VPS54: variants seen among roughly 807,000 people sequenced by gnomAD.
VPS54 encodes vacuolar protein sorting-associated protein 54.
Under a neutral mutation model 121.5 loss-of-function variants are expected in VPS54, and 45 were observed. That is an observed-to-expected ratio of 0.37 (90% CI 0.29 to 0.47). The LOEUF is 0.47. Ranked by LOEUF, VPS54 falls within the 20% of genes least tolerant of loss-of-function variation. VPS54 has a pLI of 0.99. For synonymous variants in VPS54, 371 were observed against 385.8 expected, an observed-to-expected ratio of 0.96 and a Z score of 0.45; for missense variants, 1,090 against 1,131.4, an observed-to-expected ratio of 0.96 and a Z score of 0.52.
intron 20 of VPS54, among the ~76,000 whole-genome samples, chr2:63,906,817 T>G (rs1672923578): frequency 6.6e-6 from 1 of 152,192 alleles, no homozygotes; most frequent in Non-Finnish European, 1.5e-5. Flanking sequence ...TCAATCAAAA[T>G]CTGAGCAGCC....
chr2:63,947,744 G>T (rs1272030626), intron 8 of VPS54, among the ~76,000 whole-genome samples: 1 of 152,036 alleles, frequency 6.6e-6, no homozygotes, highest in South Asian at 2.1e-4. Flanking sequence ...CAATACAAGG[G>T]TATTTTTTGT....
chr2:64,013,670 A>C (rs902430359), intron 1 of VPS54, among the ~76,000 whole-genome samples: 4 of 145,688 alleles, frequency 2.7e-5, no homozygotes, highest in East Asian at 2.0e-4. Context: ...TGATATATAT[A>C]TCTATATATT....
chr2:63,893,414 G>C lies in VPS54; in HGVS notation c.*16C>G, dbSNP rs776698157. Reference sequence around the variant, plus strand: ...ATCCCATGGTCAGATGAACTACCCAGTTTTCCAGGATGACATCACCTCTTC... The same window carrying C: ...ATCCCATGGTCAGATGAACTACCCACTTTTCCAGGATGACATCACCTCTTC... On this transcript the variant is annotated 3_prime_UTR_variant, in exon 23 of 23. Coordinates refer to ENST00000272322, the MANE Select transcript of VPS54 (RefSeq NM_016516.3). 1.2e-6 allele frequency: 2 copies of C among 1,605,682 alleles called. No individual in the cohort carries two copies. The highest frequency in any genetic ancestry group is 1.7e-6 in the Non-Finnish European group (2 of 1,172,428).
At chr2:63,975,044 A>G in intron 3 of VPS54, 2 of 1,548,106 alleles carry the variant, frequency 1.3e-6, no homozygotes, top group East Asian at 4.9e-5. Context: ...GAGTTTTTGT[A>G]GATTTTTTTT....
Position 63,893,423 on chromosome 2 carries a change from G to GA in VPS54, c.*6dup, listed in dbSNP as rs753931254. ...TCAGATGAACTACCCAGTTTTCCAG[G>GA]ATGACATCACCTCTTCTGCTCCCAA... On this transcript the variant is annotated 3_prime_UTR_variant, in exon 23 of 23. Coordinates refer to ENST00000272322, the MANE Select transcript of VPS54 (RefSeq NM_016516.3). 1 of 1,610,954 alleles carries GA rather than the reference G, an allele frequency of 6.2e-7. No individual in the cohort carries two copies. Among genetic ancestry groups the GA allele is most frequent in the Non-Finnish European group, 8.5e-7 (1 of 1,177,228 alleles).
chr2:63,934,915 A>G (rs1674382276), intron 11 of VPS54, among the ~76,000 whole-genome samples: 1 of 152,140 alleles, frequency 6.6e-6, no homozygotes, highest in Admixed American at 6.6e-5. Context: ...CTATTTTAAC[A>G]TTCACAGTTG....
chr2:64,001,106 A>T (rs1031248056), intron 1 of VPS54, among the ~76,000 whole-genome samples: 3 of 151,980 alleles, frequency 2.0e-5, no homozygotes, highest in Non-Finnish European at 4.4e-5. Context: ...GGTCATTCCC[A>T]CTTCTCTCTC....
chr2:63,913,065 T>C (rs1673223090), intron 18 of VPS54, among the ~76,000 whole-genome samples, 158 bp downstream of exon 18: 1 of 152,154 alleles, frequency 6.6e-6, no homozygotes, highest in Non-Finnish European at 1.5e-5. Context: ...TTAGTTTTTT[T>C]CAGTGATGAG....
Position 63,962,393 on chromosome 2 carries a change from A to G in VPS54, c.675T>C (p.Ser225=), listed in dbSNP as rs1244442791. ...CATGAAAAAATGCTTCTGAACGTAG[A>G]GAGATCTGGTGAGCAATGTTTACTT... The part of the protein sequence containing the change: ...IVEVNIAHQI[S]LRSEAFFHAM... Residue 225 remains serine, a synonymous_variant, in exon 7 of 23, where the codon TCT becomes TCC. Coordinates refer to ENST00000272322, the MANE Select transcript of VPS54 (RefSeq NM_016516.3). The G allele has an allele frequency of 1.2e-6, 2 of 1,613,902 alleles. No individual in the cohort carries two copies. The highest frequency in any genetic ancestry group is 2.2e-5 in the East Asian group (1 of 44,878).
intron 11 of VPS54, among the ~76,000 whole-genome samples, chr2:63,941,325 G>C (rs1392343565): frequency 4.7e-5 from 7 of 149,892 alleles, no homozygotes; most frequent in African/African-American, 7.6e-5. Context: ...GCTGGGGTTA[G>C]GTGATCATCC....
intron 20 of VPS54, among the ~76,000 whole-genome samples, chr2:63,909,744 G>C (rs543432592): frequency 1.0e-5 from 1 of 95,782 alleles, no homozygotes; most frequent in South Asian, 3.2e-4. Context: ...TTTTTTTTGA[G>C]ACAGAGTTTC....
At chr2:63,919,569 C>T (rs1284623927) in intron 15 of VPS54, among the ~76,000 whole-genome samples, 2 of 152,008 alleles carry the variant, frequency 1.3e-5, no homozygotes, top group African/African-American at 4.8e-5. Flanking sequence ...ATTCCTTAAC[C>T]CTTCTAAGCC....
chr2:63,962,455 A>T lies in VPS54; in HGVS notation c.625-12T>A. The T allele has an allele frequency of 6.3e-7, 1 of 1,589,816 alleles. No homozygotes were observed. The highest frequency in any genetic ancestry group is 8.6e-7 in the Non-Finnish European group (1 of 1,168,944). ...AGATAATGGCTCAGCTTAAAAGAGA[A>T]GGAAAAAAAATATGAAGTACTATGA... On this transcript the variant is annotated splice_polypyrimidine_tract_variant and intron_variant, in intron 6 of 22. Transcript: ENST00000272322.
At chr2:63,996,248 A>G (rs1181728556) in intron 1 of VPS54, among the ~76,000 whole-genome samples, 3 of 152,158 alleles carry the variant, frequency 2.0e-5, no homozygotes, top group African/African-American at 7.2e-5. Flanking sequence ...TACTTTTATA[A>G]TTTCTTATGC....
Position 63,893,274 on chromosome 2 carries a change from T to C in VPS54, c.*156A>G. On this transcript the variant is annotated 3_prime_UTR_variant, in exon 23 of 23. Transcript: ENST00000272322. ...GACATTCCTTGTAGATCCCACTGAATCCAGTTTCCCAACACTTGATACTTT... is the reference window on the plus strand; with the variant it reads ...GACATTCCTTGTAGATCCCACTGAACCCAGTTTCCCAACACTTGATACTTT... The C allele has an allele frequency of 1.3e-6, 1 of 757,540 alleles. No individual in the cohort carries two copies. Among genetic ancestry groups the C allele is most frequent in the Non-Finnish European group, 2.4e-6 (1 of 416,852 alleles). The allele number at this position is 757,540 out of a possible 1,614,324, so 46.9% of individuals were successfully genotyped here. A position where few individuals can be genotyped will look rare whatever the true frequency, so the allele number is the denominator to read the frequency against.
intron 6 of VPS54, among the ~76,000 whole-genome samples, chr2:63,964,175 T>C (rs1675887247): frequency 1.3e-5 from 2 of 152,306 alleles, no homozygotes; most frequent in African/African-American, 4.8e-5. Flanking sequence ...CTGTCTTCTA[T>C]TCCTATTCTA....
chr2:63,964,851 C>T (rs891195916), intron 6 of VPS54, among the ~76,000 whole-genome samples: 1 of 152,152 alleles, frequency 6.6e-6, no homozygotes, highest in African/African-American at 2.4e-5. Flanking sequence ...ATTTTAAGAA[C>T]TACCTTCAGT....
chr2:64,011,636 C>T (rs1559058383), intron 1 of VPS54, among the ~76,000 whole-genome samples: 1 of 152,164 alleles, frequency 6.6e-6, no homozygotes, highest in Non-Finnish European at 1.5e-5. Flanking sequence ...TAAAATCTGT[C>T]TCTAGCATGT....
At chr2:63,913,385 A>T (rs918983004) in intron 17 of VPS54, 75 bp from the exon 18 acceptor site, 3 of 1,037,018 alleles carry the variant, frequency 2.9e-6, no homozygotes, top group Admixed American at 2.6e-5. Flanking sequence ...GTGCTATTAT[A>T]AAAATACATT....
Sources: gnomAD v4.1 joint callset for allele counts (sites outside exome capture counted in the v4.1 genomes callset) on GRCh38, gnomAD v4.1.1 for gene constraint, MANE v1.5 for transcripts, NCBI Gene and HGNC (gene_info 2026-07-23, HGNC 2026-07-21) for gene names.